The following TRMT13 variants were observed in gnomAD, a reference collection of about 807,000 sequenced individuals.
TRMT13 encodes the protein tRNA methyltransferase 13.
TRMT13 carries 45 observed loss-of-function variants against 55.9 expected under a neutral mutation model. That is an observed-to-expected ratio of 0.80 (90% CI 0.63 to 1.03). The LOEUF is 1.03. Ranked by LOEUF, TRMT13 falls within the 50% of genes least tolerant of loss-of-function variation. The pLI, the probability that TRMT13 is intolerant of heterozygous loss-of-function variation, is 0.00. For missense variants in TRMT13, 513 were observed against 563.9 expected, an observed-to-expected ratio of 0.91 and a Z score of 0.91; for synonymous variants, 183 against 196.3, an observed-to-expected ratio of 0.93 and a Z score of 0.57.
Position 100,139,637 on chromosome 1 carries a change from G to A in TRMT13, c.262-12G>A. On this transcript the variant is annotated splice_polypyrimidine_tract_variant and intron_variant, in intron 3 of 10. Coordinates refer to ENST00000370141, the MANE Select transcript of TRMT13 (RefSeq NM_019083.3). ...TTATTAACAGTTCTTTTATGGTTTT[G>A]TTTTTGTTAAGGATTTCTATATTCA... The A allele has an allele frequency of 6.7e-7, 1 of 1,494,262 alleles. No homozygotes were observed. The highest frequency in any genetic ancestry group is 1.2e-5 in the South Asian group (1 of 86,328). The allele number at this position is 1,494,262 out of a possible 1,614,324, so 92.6% of individuals were successfully genotyped here.
intron 7 of TRMT13, among the ~76,000 whole-genome samples, chr1:100,142,286 A>G (rs1656733373): frequency 6.6e-6 from 1 of 152,126 alleles, no homozygotes; most frequent in African/African-American, 2.4e-5. Context: ...GTAGAAGGAA[A>G]TTTTTCAAAG....
intron 3 of TRMT13, among the ~76,000 whole-genome samples, chr1:100,137,923 TAGAA>T (rs1294909193): frequency 2.0e-5 from 3 of 152,192 alleles, no homozygotes; most frequent in African/African-American, 7.2e-5. Context: ...GCCCCTTTAA[TAGAA>T]AGAGAGAACA....
chr1:100,142,920 G>T (rs1656796338), intron 7 of TRMT13: 9 of 488,352 alleles, frequency 1.8e-5, no homozygotes, highest in Non-Finnish European at 3.2e-5. Flanking sequence ...AATTTTTAGG[G>T]TTAAAGGAAA....
intron 9 of TRMT13, among the ~76,000 whole-genome samples, chr1:100,145,695 C>T (rs1429407088): frequency 6.6e-6 from 1 of 152,096 alleles, no homozygotes; most frequent in Admixed American, 6.5e-5. Context: ...AGCTTGGGCA[C>T]ATAGGAAGAC....
At chr1:100,137,736 A>T (rs1253625669) in intron 3 of TRMT13, among the ~76,000 whole-genome samples, 1 of 152,178 alleles carries the variant, frequency 6.6e-6, no homozygotes, top group Non-Finnish European at 1.5e-5. Flanking sequence ...TTATGGGAGG[A>T]TGTCTTGCAA....
intron 7 of TRMT13, among the ~76,000 whole-genome samples, chr1:100,142,100 G>T (rs1356734607): frequency 6.6e-6 from 1 of 152,160 alleles, no homozygotes; most frequent in Non-Finnish European, 1.5e-5. Context: ...ACGTCTAGTG[G>T]AGTAGACATA....
At chr1:100,137,651 A>G (rs1656054560) in intron 3 of TRMT13, among the ~76,000 whole-genome samples, 1 of 152,166 alleles carries the variant, frequency 6.6e-6, no homozygotes, top group African/African-American at 2.4e-5. Context: ...TTGGTATACA[A>G]GCTCCCTTGA....
At chr1:100,147,726 T>C (rs1478911502) in intron 9 of TRMT13, among the ~76,000 whole-genome samples, 168 bp from the exon 10 acceptor site, 1 of 152,218 alleles carries the variant, frequency 6.6e-6, no homozygotes, top group Non-Finnish European at 1.5e-5. Flanking sequence ...AAGAGCAAAT[T>C]TGAATGAAGT....
chr1:100,148,074 C>G lies in TRMT13; in HGVS notation c.998C>G (p.Ala333Gly). The G allele has an allele frequency of 6.2e-7, 1 of 1,614,206 alleles. No individual in the cohort carries two copies. Among genetic ancestry groups the G allele is most frequent in the Middle Eastern group, 1.6e-4 (1 of 6,062 alleles). ...KWNPVAGIVI[A>G]LCCHHRCDWR... ...AACCCTGTGGCTGGCATTGTTATTGCACTCTGTTGTCACCACAGGTGTGAT... is the reference window on the plus strand; with the variant it reads ...AACCCTGTGGCTGGCATTGTTATTGGACTCTGTTGTCACCACAGGTGTGAT... The change falls in exon 10 of 11, where the codon GCA (alanine) becomes GGA (glycine). Residue 333 changes from alanine (A) to glycine (G), a missense_variant. Transcript: ENST00000370141.
chr1:100,143,300 G>A (rs538811321), intron 8 of TRMT13, 91 bp downstream of exon 8: 14 of 699,676 alleles, frequency 2.0e-5, no homozygotes, highest in Non-Finnish European at 3.3e-5. Flanking sequence ...GCAGAACTGT[G>A]CTTCAGGGAA....
intron 7 of TRMT13, among the ~76,000 whole-genome samples, chr1:100,141,552 G>C (rs608038): frequency 6.6e-6 from 1 of 151,988 alleles, no homozygotes; most frequent in Admixed American, 6.6e-5. Context: ...GGCTGGTGTC[G>C]AACTCCTGAG....
At chr1:100,136,688 C>T (rs1349752953) in intron 1 of TRMT13, among the ~76,000 whole-genome samples, 194 bp from the exon 2 acceptor site, 1 of 152,078 alleles carries the variant, frequency 6.6e-6, no homozygotes, top group Non-Finnish European at 1.5e-5. Context: ...AGTATTTGTT[C>T]ATATGTATTT....
chr1:100,143,323 A>G, intron 8 of TRMT13, 114 bp downstream of exon 8: 1 of 580,632 alleles, frequency 1.7e-6, no homozygotes, highest in South Asian at 2.7e-5. Context: ...CAGTCAAATC[A>G]ATTCATTGTT....
chr1:100,140,538 C>G (rs1414397344), intron 6 of TRMT13, 24 bp downstream of exon 6: 1 of 1,466,702 alleles, frequency 6.8e-7, no homozygotes, highest in Non-Finnish European at 9.5e-7. Flanking sequence ...ATAGTAACTA[C>G]TAAACATGGC....
intron 1 of TRMT13, among the ~76,000 whole-genome samples, chr1:100,134,018 T>G (rs1655441708): frequency 6.6e-6 from 1 of 151,800 alleles, no homozygotes; most frequent in African/African-American, 2.4e-5. Flanking sequence ...GTGGCAATAA[T>G]CCAAGATCAC....
At position 100,149,195 on chromosome 1, in the gene TRMT13, T is replaced by C; in HGVS notation, c.*375T>C. 6.7e-7 allele frequency: 1 copy of C among 1,498,234 alleles called. No homozygotes were observed. Among genetic ancestry groups the C allele is most frequent in the South Asian group, 1.4e-5 (1 of 73,994 alleles). The allele number at this position is 1,498,234 out of a possible 1,614,324, so 92.8% of individuals were successfully genotyped here. On this transcript the variant is annotated 3_prime_UTR_variant, in exon 11 of 11. Coordinates refer to ENST00000370141, the MANE Select transcript of TRMT13 (RefSeq NM_019083.3). ...CTTTGATTTTATTTAATATTTTTTA[T>C]TTCTTAAGTTCAAGAGGTAGTGATT...
intron 4 of TRMT13, among the ~76,000 whole-genome samples, 190 bp downstream of exon 4, chr1:100,139,901 G>A (rs1656381210): frequency 6.6e-6 from 1 of 152,220 alleles, no homozygotes; most frequent in Admixed American, 6.5e-5. Flanking sequence ...AACAAAAGAA[G>A]CTACAATATG....
chr1:100,143,284 A>G, intron 8 of TRMT13, 75 bp downstream of exon 8: 1 of 884,342 alleles, frequency 1.1e-6, no homozygotes, highest in Non-Finnish European at 1.8e-6. Flanking sequence ...TTAGAAATCC[A>G]ATCATGCAGA....
rs770573316 is a variant in TRMT13 at position 100,143,172 on chromosome 1, T to C, written c.705T>C (p.Phe235=). The C allele has an allele frequency of 6.2e-7, 1 of 1,610,902 alleles. No homozygotes were observed. Among genetic ancestry groups the C allele is most frequent in the Non-Finnish European group, 8.5e-7 (1 of 1,178,226 alleles). ...AACACAGAAAGAAAAATTCAGTGTT[T>C]GAAAGACTTCAAATTGATATTCAAC... The part of the protein sequence containing the change: ...DGKHRKKNSV[F]ERLQIDIQHL... The change falls in exon 8 of 11, where the codon TTT becomes TTC. Residue 235 remains phenylalanine, a synonymous_variant. Coordinates refer to ENST00000370141, the MANE Select transcript of TRMT13 (RefSeq NM_019083.3).
Sources: allele counts gnomAD v4.1 joint callset (sites outside exome capture counted in the v4.1 genomes callset), GRCh38; gene constraint gnomAD v4.1.1; transcripts MANE v1.5; gene names NCBI Gene and HGNC (gene_info 2026-07-23, HGNC 2026-07-21).